The following STAG1 variants were observed in gnomAD, a reference collection of about 807,000 sequenced individuals.
The protein encoded by STAG1 is cohesin subunit SA-1.
STAG1 carries 26 observed loss-of-function variants against 170.9 expected under a neutral mutation model. That is an observed-to-expected ratio of 0.15 (90% CI 0.11 to 0.21). STAG1 has a LOEUF of 0.21. Among genes scored for constraint, STAG1 ranks in the 10% least tolerant of loss-of-function variants. STAG1 has a pLI of 1.00. For synonymous variants in STAG1, 514 were observed against 497.7 expected, an observed-to-expected ratio of 1.03 and a Z score of -0.44; for missense variants, 964 against 1,509.5, an observed-to-expected ratio of 0.64 and a Z score of 5.99.
chr3:136,507,075 T>C (rs1933806223), intron 7 of STAG1, among the ~76,000 whole-genome samples: 1 of 152,252 alleles, frequency 6.6e-6, no homozygotes, highest in Non-Finnish European at 1.5e-5. Flanking sequence ...AGTACTATTA[T>C]TAGTTCCTTT....
chr3:136,695,792 G>A (rs1012735978), intron 1 of STAG1, among the ~76,000 whole-genome samples: 10 of 143,830 alleles, frequency 7.0e-5, no homozygotes, highest in East Asian at 2.1e-4. Context: ...AGTTCAATCC[G>A]AAAGAGACTT....
Position 136,604,427 on chromosome 3 carries a change from A to C in STAG1, c.179T>G (p.Ile60Ser). Residue 60 changes from isoleucine to serine, a missense_variant, in exon 4 of 34, where the codon ATT becomes AGT. By Grantham distance (142) the Ile-to-Ser change is moderately radical. Around this residue, in one of 11 missense-constraint regions of STAG1, gnomAD observed 108 missense variants for 120.2 expected, o/e 0.90. Transcript: ENST00000383202. The stretch of plus-strand genomic sequence containing the variant: ...GCCTGCTCCTCTAATTCCAGCTTCA[A>C]TTCTGCTCTTCTCACCTGGAGATTT... ...PRKSPGEKSR[I>S]EAGIRGAGRG... is the part of the protein sequence containing the mutation. 1 of 1,613,000 alleles carries C rather than the reference A, an allele frequency of 6.2e-7. No homozygotes were observed. The highest frequency in any genetic ancestry group is 1.1e-5 in the South Asian group (1 of 90,850).
rs150969744 is a variant in STAG1, at chr3:136,433,189, T to C, written c.1650+367A>G. Among the ~76,000 whole-genome samples the C allele has an allele frequency of 6.5e-3, 985 of 152,138 alleles. 12 individuals are homozygous for C. The highest frequency in any genetic ancestry group is 0.023 in the African/African-American group (935 of 41,550). On this transcript the variant is annotated intron_variant, in intron 16 of 33. Coordinates refer to ENST00000383202, the MANE Select transcript of STAG1 (RefSeq NM_005862.3). Reference sequence around the variant, plus strand: ...TATTACAGATAAGGAAACTAAGACATACAAAAATCATTCATCTATCTAAAG... The same window carrying C: ...TATTACAGATAAGGAAACTAAGACACACAAAAATCATTCATCTATCTAAAG...
At chr3:136,508,545 G>A (rs711977) in intron 7 of STAG1, among the ~76,000 whole-genome samples, 52,545 of 152,006 alleles carry the variant, frequency 0.35, 11,426 homozygotes, top group East Asian at 0.8. Context: ...AAAATTACCT[G>A]GGCATTGAGA....
rs1027690654 is a variant in STAG1, at chr3:136,338,533, G to C, written c.3673-83C>G. 5 of 1,020,814 alleles carry C rather than the reference G, an allele frequency of 4.9e-6. No homozygotes were observed. The East Asian group carries it at 9.8e-5, about 20-fold the overall frequency. 63.2% of individuals were successfully genotyped at this position (1,020,814 alleles called of 1,614,324 possible). ...TGATAATCAGCTAATATTTCTGACA[G>C]TATCATAAATATATGGAACTGCTAA... is the stretch of plus-strand genomic sequence containing the variant. On this transcript the variant is annotated intron_variant, in intron 32 of 33. Transcript: ENST00000383202.
intron 8 of STAG1, among the ~76,000 whole-genome samples, chr3:136,502,089 G>A (rs540287250): frequency 1.3e-5 from 2 of 152,008 alleles, no homozygotes; most frequent in Non-Finnish European, 2.9e-5. Flanking sequence ...GCTGAGGCAG[G>A]AGAATTGCTT....
rs1419306508 is a variant in STAG1, at chr3:136,452,298, C to T, written c.1314-151G>A. On this transcript the variant is annotated intron_variant, in intron 13 of 33. Transcript: ENST00000383202. ...TCAGAGATCAGGCCAGGTGCAGAGG[C>T]TCATGCCTGTAATCCCAGCACTCTG... The T allele has an allele frequency of 8.6e-6, 5 of 582,474 alleles. No homozygotes were observed. The East Asian group carries it at 1.2e-4, about 14-fold the overall frequency. 36.1% of individuals were successfully genotyped at this position (582,474 alleles called of 1,614,324 possible). A position where few individuals can be genotyped will look rare whatever the true frequency, so the allele number is the denominator to read the frequency against.
At chr3:136,751,928 G>A (rs1231966469) in intron 1 of STAG1, among the ~76,000 whole-genome samples, 1 of 150,792 alleles carries the variant, frequency 6.6e-6, no homozygotes, top group Non-Finnish European at 1.5e-5. Context: ...GGGAGGGGTG[G>A]CAAGCGACGA....
chr3:136,692,757 T>C (rs769107662), intron 1 of STAG1, among the ~76,000 whole-genome samples: 2 of 152,226 alleles, frequency 1.3e-5, no homozygotes, highest in Non-Finnish European at 2.9e-5. Context: ...AGAAGTCTTA[T>C]AGGGGCTGGT....
At chr3:136,462,120 A>G (rs567186989) in intron 13 of STAG1, among the ~76,000 whole-genome samples, 7 of 152,260 alleles carry the variant, frequency 4.6e-5, no homozygotes, top group African/African-American at 1.7e-4. Context: ...GTACAGCAAC[A>G]GTGGAAAACA....
At chr3:136,528,375 G>A (rs1351685797) in intron 6 of STAG1, among the ~76,000 whole-genome samples, 1 of 151,974 alleles carries the variant, frequency 6.6e-6, no homozygotes, top group Non-Finnish European at 1.5e-5. Flanking sequence ...GGGACCCTCT[G>A]AGCCAGGCGC....
intron 10 of STAG1, among the ~76,000 whole-genome samples, chr3:136,476,127 T>C (rs867601212): frequency 6.6e-6 from 1 of 152,156 alleles, no homozygotes; most frequent in African/African-American, 2.4e-5. Flanking sequence ...TGTTAGAGGA[T>C]AGTATGTTTC....
intron 6 of STAG1, among the ~76,000 whole-genome samples, chr3:136,531,545 T>C (rs1935367364): frequency 6.6e-6 from 1 of 150,882 alleles, no homozygotes; most frequent in African/African-American, 2.4e-5. Flanking sequence ...ATTAAGAAAA[T>C]GTGGCACATA....
intron 3 of STAG1, among the ~76,000 whole-genome samples, chr3:136,607,546 G>A (rs1256335405): frequency 6.6e-6 from 1 of 152,126 alleles, no homozygotes; most frequent in Non-Finnish European, 1.5e-5. Context: ...GGGATTACAG[G>A]CATGTGCCAC....
At chr3:136,373,365 C>T (rs1327521241) in intron 23 of STAG1, among the ~76,000 whole-genome samples, 3 of 152,020 alleles carry the variant, frequency 2.0e-5, no homozygotes, top group African/African-American at 7.2e-5. Context: ...CTGCTCTGAT[C>T]TTAGTTATTT....
At chr3:136,744,323 G>A (rs1414055216) in intron 1 of STAG1, among the ~76,000 whole-genome samples, 7 of 152,206 alleles carry the variant, frequency 4.6e-5, no homozygotes, top group South Asian at 2.1e-4. Context: ...GCGAAACTCC[G>A]TCTCCAAAAT....
At chr3:136,702,610 T>C (rs1943116754) in intron 1 of STAG1, among the ~76,000 whole-genome samples, 1 of 152,002 alleles carries the variant, frequency 6.6e-6, no homozygotes. Flanking sequence ...AGTCTCGAAC[T>C]CCTGACCTGA....
Position 136,687,055 on chromosome 3 carries a change from T to C in STAG1, c.-83-56074A>G, listed in dbSNP as rs1377088914. On this transcript the variant is annotated intron_variant, in intron 1 of 33. Coordinates refer to ENST00000383202, the MANE Select transcript of STAG1 (RefSeq NM_005862.3). Reference sequence around the variant, plus strand: ...TTTCTTGGTAAAGTATCTCTTTTAATATGATGGTGTAAGTTAAGAGGTGAC... The same window carrying C: ...TTTCTTGGTAAAGTATCTCTTTTAACATGATGGTGTAAGTTAAGAGGTGAC... 3.9e-5 allele frequency among the ~76,000 whole-genome samples: 6 copies of C among 152,352 alleles called. No individual in the cohort carries two copies. In the East Asian group the frequency reaches 9.6e-4, roughly 24 times the overall value.
At chr3:136,530,674 C>T (rs920287468) in intron 6 of STAG1, among the ~76,000 whole-genome samples, 31 of 151,804 alleles carry the variant, frequency 2.0e-4, no homozygotes, top group African/African-American at 6.3e-4. Flanking sequence ...AACCAGTCAA[C>T]GAAGAAATTA....
Sources: gnomAD v4.1 joint callset for allele counts (sites outside exome capture counted in the v4.1 genomes callset) on GRCh38, gnomAD v4.1.1 for gene constraint, gnomAD v4.1.1 regional missense constraint, MANE v1.5 for transcripts, NCBI Gene and HGNC (gene_info 2026-07-23, HGNC 2026-07-21) for gene names.